Variants in AFDN observed in about 807,000 individuals in gnomAD.
AFDN encodes the protein afadin, adherens junction formation factor.
In AFDN, 68 loss-of-function variants were observed where a neutral mutation model predicts 216.6. The ratio of observed to expected loss-of-function variants is 0.31; its 90% confidence interval spans 0.26 to 0.38. AFDN has a LOEUF of 0.38. Among genes scored for constraint, AFDN ranks in the 10% least tolerant of loss-of-function variants. AFDN has a pLI of 1.00. For synonymous variants in AFDN, 868 were observed against 853.7 expected, an observed-to-expected ratio of 1.02 and a Z score of -0.29; for missense variants, 2,136 against 2,342.0, an observed-to-expected ratio of 0.91 and a Z score of 1.82.
chr6:167,830,579 T>G (rs1046825740), intron 1 of AFDN, among the ~76,000 whole-genome samples: 6 of 152,246 alleles, frequency 3.9e-5, no homozygotes, highest in African/African-American at 1.2e-4. Flanking sequence ...GAAATTATGC[T>G]AGGTAATTGA....
intron 1 of AFDN, among the ~76,000 whole-genome samples, chr6:167,837,385 T>C (rs1335227310): frequency 7.4e-6 from 1 of 134,950 alleles, no homozygotes; most frequent in Non-Finnish European, 1.6e-5. Flanking sequence ...CTTTTCAGGC[T>C]TTTTTTTTTT....
chr6:167,891,508 C>G (rs1787609239), intron 8 of AFDN, among the ~76,000 whole-genome samples: 1 of 149,274 alleles, frequency 6.7e-6, no homozygotes, highest in South Asian at 2.1e-4. Context: ...AATTTTATAT[C>G]TAAGAAACCC....
intron 29 of AFDN, among the ~76,000 whole-genome samples, chr6:167,949,238 A>G (rs1053831128): frequency 1.3e-5 from 2 of 152,230 alleles, no homozygotes; most frequent in African/African-American, 4.8e-5. Flanking sequence ...AAATAGTTAC[A>G]GTCTAGGATC....
chr6:167,834,457 G>GTTTTTTTTTTTT (rs11446838), intron 1 of AFDN, among the ~76,000 whole-genome samples: 2 of 75,256 alleles, frequency 2.7e-5, no homozygotes, highest in African/African-American at 5.2e-5. Flanking sequence ...TGTTGTTTCG[G>GTTTTTTTTTTTT]TTTTTTTTTT....
chr6:167,932,667 G>T (rs1283451807), intron 23 of AFDN: 1 of 152,176 alleles, frequency 6.6e-6, no homozygotes, highest in Non-Finnish European at 1.5e-5. Context: ...GTTGAAAACT[G>T]AGAGAAGTAG....
chr6:167,909,398 G>C (rs551804117), intron 13 of AFDN, among the ~76,000 whole-genome samples: 5 of 151,850 alleles, frequency 3.3e-5, no homozygotes, highest in African/African-American at 9.7e-5. Flanking sequence ...GGAAGAGAAT[G>C]GTTTGCTGTT....
At chr6:167,870,641 T>G in intron 3 of AFDN, 143 bp downstream of exon 3, 1 of 464,862 alleles carries the variant, frequency 2.2e-6, no homozygotes, top group Non-Finnish European at 3.9e-6. Flanking sequence ...CAGAAAATAA[T>G]TTAAAAGAAG....
In AFDN at chr6:167,948,288, T is replaced by C. The variant is rs775858784; in HGVS notation, c.3646-5T>C. 16 of 1,597,454 alleles carry C rather than the reference T, an allele frequency of 1.0e-5. No homozygotes were observed. Among genetic ancestry groups the C allele is most frequent in the Admixed American group, 7.1e-5 (4 of 56,368 alleles). ...CTCACTTTTTTTGTTCTTCACATTT[T>C]ACAGGAGCAGACGCCTCCGCCTAGA... is the stretch of plus-strand genomic sequence containing the variant. On this transcript the variant is annotated splice_region_variant and splice_polypyrimidine_tract_variant and intron_variant, in intron 28 of 33. Coordinates refer to ENST00000683244, the MANE Select transcript of AFDN (RefSeq NM_001386888.1).
At chr6:167,910,267 A>T (rs1299561096) in intron 13 of AFDN, among the ~76,000 whole-genome samples, 1 of 152,234 alleles carries the variant, frequency 6.6e-6, no homozygotes, top group Non-Finnish European at 1.5e-5. Context: ...TATTCAACTG[A>T]AAGAGTAGTT....
Position 167,844,690 on chromosome 6 carries a change from C to T in AFDN, c.105+17453C>T, listed in dbSNP as rs530740470. 3.3e-5 allele frequency among the ~76,000 whole-genome samples: 5 copies of T among 152,186 alleles called. No individual in the cohort carries two copies. In the South Asian group the frequency reaches 1.0e-3, roughly 32 times the overall value. Reference sequence around the variant, plus strand: ...AGTTATTATTCAAAAGGTAGGGGGCCCTCCAGTTTATGCTGCCACTGTTGT... The same window carrying T: ...AGTTATTATTCAAAAGGTAGGGGGCTCTCCAGTTTATGCTGCCACTGTTGT... On this transcript the variant is annotated intron_variant, in intron 1 of 33. Transcript: ENST00000683244.
chr6:167,855,519 C>T (rs745620485), intron 1 of AFDN, among the ~76,000 whole-genome samples: 2 of 152,074 alleles, frequency 1.3e-5, no homozygotes, highest in Non-Finnish European at 2.9e-5. Context: ...CTTATTCTTG[C>T]AGTTTGGTCA....
rs1364972481 is a variant in AFDN, at chr6:167,827,090, T to TCCGGCC, written c.-33_-28dup. 21 of 1,109,646 alleles carry TCCGGCC rather than the reference T, an allele frequency of 1.9e-5. No individual in the cohort carries two copies. Among genetic ancestry groups the TCCGGCC allele is most frequent in the Middle Eastern group, 3.6e-4 (1 of 2,800 alleles). 68.7% of individuals were successfully genotyped at this position (1,109,646 alleles called of 1,614,324 possible). A position where few individuals can be genotyped will look rare whatever the true frequency, so the allele number is the denominator to read the frequency against. Reference sequence around the variant, plus strand: ...CGGACCTGTCGTCCTCGGCCCGTCCTCCGGCCCCGGCCCCGCGCGGCTGAG... The same window carrying TCCGGCC: ...CGGACCTGTCGTCCTCGGCCCGTCCTCCGGCCCCGGCCCCGGCCCCGCGCGGCTGAG... On this transcript the variant is annotated 5_prime_UTR_variant, in exon 1 of 34. Transcript: ENST00000683244.
chr6:167,905,956 T>A (rs1451294879), intron 12 of AFDN, among the ~76,000 whole-genome samples: 2 of 152,090 alleles, frequency 1.3e-5, no homozygotes. Context: ...ATGCAAAAAA[T>A]TAGCCGGGCG....
At chr6:167,952,617 A>G in intron 30 of AFDN, 1 of 485,254 alleles carries the variant, frequency 2.1e-6, no homozygotes, top group Non-Finnish European at 2.7e-6. Flanking sequence ...CTGTTGTAGC[A>G]CAAAAGCAGC....
intron 9 of AFDN, among the ~76,000 whole-genome samples, chr6:167,896,226 A>AC (rs1788231442): frequency 1.6e-5 from 1 of 61,646 alleles, no homozygotes; most frequent in Non-Finnish European, 3.9e-5. Context: ...ATAAAATGAC[A>AC]AAAAAAAAAA....
Position 167,922,623 on chromosome 6 carries a change from CAG to C in AFDN, c.2909-230_2909-229del, listed in dbSNP as rs535881475. 1.0e-3 allele frequency among the ~76,000 whole-genome samples: 155 copies of C among 152,220 alleles called. No individual in the cohort carries two copies. In the Middle Eastern group the frequency reaches 0.01, roughly 10 times the overall value. ...GTAAGAAAAAAGTTCTTTTGGAACACAGAGGAGTGGGAGGCCAATTTTACTTT... is the reference window on the plus strand; with the variant it reads ...GTAAGAAAAAAGTTCTTTTGGAACACAGGAGTGGGAGGCCAATTTTACTTT... On this transcript the variant is annotated intron_variant, in intron 21 of 33. Coordinates refer to ENST00000683244, the MANE Select transcript of AFDN (RefSeq NM_001386888.1).
chr6:167,967,407 G>C (rs553373535), intron 32 of AFDN, among the ~76,000 whole-genome samples: 99 of 152,244 alleles, frequency 6.5e-4, no homozygotes, highest in African/African-American at 2.2e-3. Context: ...TAATATTTAG[G>C]TTGAGTCACT....
chr6:167,953,528 T>C (rs1796212894), intron 30 of AFDN, among the ~76,000 whole-genome samples: 1 of 152,220 alleles, frequency 6.6e-6, no homozygotes, highest in Non-Finnish European at 1.5e-5. Flanking sequence ...AATTATTACA[T>C]TGTTTTACTA....
At chr6:167,871,920 G>C (rs1784842894) in intron 3 of AFDN, among the ~76,000 whole-genome samples, 1 of 152,050 alleles carries the variant, frequency 6.6e-6, no homozygotes, top group African/African-American at 2.4e-5. Context: ...TTTCTAACTG[G>C]CTTTGATTTT....
Sources: gnomAD v4.1 joint callset for allele counts (sites outside exome capture counted in the v4.1 genomes callset) on GRCh38, gnomAD v4.1.1 for gene constraint, MANE v1.5 for transcripts, NCBI Gene and HGNC (gene_info 2026-07-23, HGNC 2026-07-21) for gene names.